Variants in LNPEP observed in about 807,000 individuals in gnomAD.
LNPEP encodes leucyl-cystinyl aminopeptidase.
LNPEP carries 64 observed loss-of-function variants against 120.6 expected under a neutral mutation model. The ratio of observed to expected loss-of-function variants is 0.53; its 90% CI spans 0.43 to 0.65. The LOEUF is 0.65. Among genes scored for constraint, LNPEP ranks in the 30% least tolerant of loss-of-function variants. The pLI, the probability that LNPEP is intolerant of heterozygous loss-of-function variation, is 0.00. For missense variants in LNPEP, 1,057 were observed against 1,200.0 expected, an observed-to-expected ratio of 0.88 and a Z score of 1.76; for synonymous variants, 435 against 425.4, an observed-to-expected ratio of 1.02 and a Z score of -0.28.
rs993449356 is a variant in LNPEP at position 97,031,461 on chromosome 5, G to A, written c.*2928G>A. ...TACTTTAATTTTCCTTGCCATATGT[G>A]TTTCCATTTTGTGGGACATTAGCCA... is the stretch of plus-strand genomic sequence containing the variant. On this transcript the variant is annotated 3_prime_UTR_variant, in exon 18 of 18. Transcript: ENST00000231368. 6.6e-6 allele frequency: 1 copy of A among 152,110 alleles called. No individual in the cohort carries two copies. Among genetic ancestry groups the A allele is most frequent in the Non-Finnish European group, 1.5e-5 (1 of 68,020 alleles). 9.4% of individuals were successfully genotyped at this position (152,110 alleles called of 1,614,324 possible).
At chr5:97,004,147 A>G (rs984645365) in intron 9 of LNPEP, among the ~76,000 whole-genome samples, 1 of 152,242 alleles carries the variant, frequency 6.6e-6, no homozygotes, top group Non-Finnish European at 1.5e-5. Context: ...ATGCATGTAT[A>G]CTGACTGCAA....
intron 8 of LNPEP, among the ~76,000 whole-genome samples, chr5:97,001,632 C>T (rs1369600309): frequency 6.6e-6 from 1 of 152,062 alleles, no homozygotes; most frequent in Admixed American, 6.6e-5. Context: ...AGATCAGATG[C>T]AAGGACACAC....
chr5:97,026,486 AC>A, intron 15 of LNPEP, 130 bp from the exon 16 acceptor site: 1 of 652,326 alleles, frequency 1.5e-6, no homozygotes, highest in Non-Finnish European at 2.6e-6. Context: ...TCAACCGTAG[AC>A]TAATGCAACA....
chr5:96,986,610 C>G lies in LNPEP; in HGVS notation c.1071C>G (p.Tyr357Ter), dbSNP rs1324354729. ...CTGAGAGTGTGAAGATGAGCACTTA[C>G]TTGGTTGCTTTCATTGTGGGAGAGA... ...EFSESVKMST[Y>*]LVAFIVGEMK... is the part of the protein sequence containing the mutation. The change falls in exon 4 of 18, where the codon TAC becomes TAG. Residue 357 changes from tyrosine (Y) to a stop codon, truncating the protein, a stop_gained. Coordinates refer to ENST00000231368, the MANE Select transcript of LNPEP (RefSeq NM_005575.3). LOFTEE classifies it high-confidence loss of function. 6.2e-7 allele frequency: 1 copy of G among 1,613,570 alleles called. No homozygotes were observed. The highest frequency in any genetic ancestry group is 1.1e-5 in the South Asian group (1 of 91,068).
At chr5:96,960,027 C>T (rs951492677) in intron 1 of LNPEP, among the ~76,000 whole-genome samples, 4 of 150,668 alleles carry the variant, frequency 2.7e-5, no homozygotes, top group African/African-American at 7.4e-5. Flanking sequence ...CAACCTCTGC[C>T]TCCTGGGTTC....
At chr5:97,003,914 C>G (rs1029745999) in intron 9 of LNPEP, among the ~76,000 whole-genome samples, 1 of 151,838 alleles carries the variant, frequency 6.6e-6, no homozygotes, top group Non-Finnish European at 1.5e-5. Flanking sequence ...TATCCTTACC[C>G]TTTTAGTTTT....
In LNPEP at chr5:96,979,360, T is replaced by G; in HGVS notation, c.242T>G (p.Phe81Cys). 1 of 1,614,020 alleles carries G rather than the reference T, an allele frequency of 6.2e-7. No homozygotes were observed. The highest frequency in any genetic ancestry group is 8.5e-7 in the Non-Finnish European group (1 of 1,179,960). The change falls in exon 2 of 18, where the codon TTC (phenylalanine) becomes TGC (cysteine). Residue 81 changes from phenylalanine (F) to cysteine (C), a missense_variant. Transcript: ENST00000231368. Reference protein sequence around the residue: ...ESSAKLLGMSFMNRSSGLRNS... With the variant: ...ESSAKLLGMSCMNRSSGLRNS... ...TCAGCAAAGCTGCTGGGCATGTCCT[T>G]CATGAATAGAAGCTCAGGCCTTCGG...
intron 1 of LNPEP, among the ~76,000 whole-genome samples, chr5:96,945,380 T>C (rs1303605904): frequency 7.2e-6 from 1 of 139,226 alleles, no homozygotes; most frequent in Non-Finnish European, 1.5e-5. Context: ...CACTGCAGCC[T>C]GGGCAAGAGA....
intron 11 of LNPEP, among the ~76,000 whole-genome samples, chr5:97,012,712 TAAA>T (rs1790967953): frequency 2.0e-5 from 3 of 152,194 alleles, no homozygotes; most frequent in Admixed American, 6.5e-5. Context: ...TTAAGGATTT[TAAA>T]AATTCATACA....
chr5:97,028,921 G>A lies in LNPEP; in HGVS notation c.*388G>A, dbSNP rs965122612. On this transcript the variant is annotated 3_prime_UTR_variant, in exon 18 of 18. Transcript: ENST00000231368. ...CTAAGAGCCGCCATCACTTCAGGCCGCTGGTTTGTCAGCCATCTGTTGCTT... is the reference window on the plus strand; with the variant it reads ...CTAAGAGCCGCCATCACTTCAGGCCACTGGTTTGTCAGCCATCTGTTGCTT... The A allele has an allele frequency of 9.0e-5, 16 of 176,950 alleles. No homozygotes were observed. Among genetic ancestry groups the A allele is most frequent in the African/African-American group, 1.7e-4 (7 of 41,782 alleles). 11.0% of individuals were successfully genotyped at this position (176,950 alleles called of 1,614,324 possible).
intron 9 of LNPEP, among the ~76,000 whole-genome samples, chr5:97,004,121 G>T (rs566055826): frequency 6.6e-6 from 1 of 152,340 alleles, no homozygotes; most frequent in Admixed American, 6.5e-5. Flanking sequence ...AGCAGCACAT[G>T]AACCCGGGCT....
chr5:97,036,382 G>C lies in LNPEP; in HGVS notation c.*7849G>C, dbSNP rs1020273850. The C allele has an allele frequency of 1.3e-5, 2 of 152,142 alleles. No individual in the cohort carries two copies. The highest frequency in any genetic ancestry group is 2.9e-5 in the Non-Finnish European group (2 of 68,036). The allele number at this position is 152,142 out of a possible 1,614,324, so 9.4% of individuals were successfully genotyped here. ...CCATTTTGTCTTTAGTGCCTATACTGTTAGGTGTTTTCTTCACTGGCATTC... is the reference window on the plus strand; with the variant it reads ...CCATTTTGTCTTTAGTGCCTATACTCTTAGGTGTTTTCTTCACTGGCATTC... On this transcript the variant is annotated 3_prime_UTR_variant, in exon 18 of 18. Transcript: ENST00000231368.
Position 96,979,465 on chromosome 5 carries a change from T to C in LNPEP, c.347T>C (p.Phe116Ser). 2 of 1,614,120 alleles carry C rather than the reference T, an allele frequency of 1.2e-6. No individual in the cohort carries two copies. Among genetic ancestry groups the C allele is most frequent in the African/African-American group, 2.7e-5 (2 of 75,052 alleles). Residue 116 changes from phenylalanine (F) to serine (S), a missense_variant, in exon 2 of 18, where the codon TTT becomes TCT. Coordinates refer to ENST00000231368, the MANE Select transcript of LNPEP (RefSeq NM_005575.3). Reference protein sequence around the residue: ...PSARTMVVCAFVIVVAVSVIM... With the variant: ...PSARTMVVCASVIVVAVSVIM... ...GCAAGGACCATGGTGGTCTGTGCTT[T>C]TGTCATCGTGGTTGCTGTTTCTGTA...
intron 9 of LNPEP, among the ~76,000 whole-genome samples, chr5:97,005,411 A>G (rs1790755724): frequency 6.6e-6 from 1 of 152,112 alleles, no homozygotes. Context: ...CAAAGCTCTG[A>G]CACTAGGTTC....
chr5:96,939,721 G>A (rs908924647), intron 1 of LNPEP, among the ~76,000 whole-genome samples: 1 of 152,064 alleles, frequency 6.6e-6, no homozygotes, highest in Non-Finnish European at 1.5e-5. Context: ...TTCATGTTCA[G>A]ATTGGTATCC....
At chr5:97,002,492 A>G (rs968239037) in intron 8 of LNPEP, among the ~76,000 whole-genome samples, 6 of 152,234 alleles carry the variant, frequency 3.9e-5, no homozygotes, top group Non-Finnish European at 5.9e-5. Flanking sequence ...AATAGCTATG[A>G]AGTGTGATAC....
chr5:96,960,768 C>G (rs1240003203), intron 1 of LNPEP, among the ~76,000 whole-genome samples: 1 of 151,964 alleles, frequency 6.6e-6, no homozygotes, highest in Non-Finnish European at 1.5e-5. Flanking sequence ...ATCTCAAATA[C>G]CATGTTTTAC....
At chr5:96,984,227 C>A (rs1484352053) in intron 2 of LNPEP, among the ~76,000 whole-genome samples, 2 of 152,188 alleles carry the variant, frequency 1.3e-5, no homozygotes, top group African/African-American at 2.4e-5. Context: ...ATTGCCAGAA[C>A]AACTCAAAAT....
chr5:96,956,758 C>A (rs867062988), intron 1 of LNPEP, among the ~76,000 whole-genome samples: 1 of 152,230 alleles, frequency 6.6e-6, no homozygotes, highest in Non-Finnish European at 1.5e-5. Context: ...TTCTGGGACT[C>A]CGACTGCATA....
Sources: allele counts gnomAD v4.1 joint callset (sites outside exome capture counted in the v4.1 genomes callset), GRCh38; gene constraint gnomAD v4.1.1; transcripts MANE v1.5; gene names NCBI Gene and HGNC (gene_info 2026-07-23, HGNC 2026-07-21).